Variants in DPP10 observed in about 807,000 individuals in gnomAD.
DPP10 encodes dipeptidyl peptidase like 10, also known as inactive dipeptidyl peptidase 10.
DPP10 carries 33 observed loss-of-function variants against 120.9 expected under a neutral mutation model. The observed-to-expected ratio is 0.27, with a 90% CI of 0.21 to 0.37. The LOEUF (loss-of-function observed/expected upper bound fraction) is 0.37, where lower values mean the gene tolerates loss of function less well. Ranked by LOEUF, DPP10 falls within the 10% of genes least tolerant of loss-of-function variation. The pLI is 1.00. For synonymous variants in DPP10, 337 were observed against 326.1 expected, an observed-to-expected ratio of 1.03 and a Z score of -0.36; for missense variants, 816 against 942.8, an observed-to-expected ratio of 0.87 and a Z score of 1.76.
chr2:114,442,868 C>T (rs2104511881), intron 1 of DPP10, 30 bp downstream of exon 1: 1 of 1,612,196 alleles, frequency 6.2e-7, no homozygotes, highest in East Asian at 2.2e-5. Context: ...TCTGCTTCTG[C>T]ACATGTGTCT....
At position 115,483,479 on chromosome 2, in the gene DPP10, C is replaced by CTATCTATCTATCTGTATG. The variant is rs3980957; in HGVS notation, c.272-16030_272-16029insATCTATCTATCTGTATGT. On this transcript the variant is annotated intron_variant, in intron 3 of 25. Coordinates refer to ENST00000410059, the MANE Select transcript of DPP10 (RefSeq NM_020868.6). ...TCTATCTATCTATCTATCTATCTAT[C>CTATCTATCTATCTGTATG]TGTATGTGTATGTGTGTGCATTTGT... Among the ~76,000 whole-genome samples, 1,164 of 144,118 alleles carry CTATCTATCTATCTGTATG rather than the reference C, an allele frequency of 8.1e-3. 10 individuals are homozygous for CTATCTATCTATCTGTATG. Among genetic ancestry groups the CTATCTATCTATCTGTATG allele is most frequent in the Middle Eastern group, 0.021 (6 of 288 alleles). The allele number at this position is 144,118 out of a possible 152,430, so 94.5% of individuals were successfully genotyped here. A position where few individuals can be genotyped will look rare whatever the true frequency, so the allele number is the denominator to read the frequency against.
At chr2:114,863,613 A>C (rs1689996818) in intron 1 of DPP10, among the ~76,000 whole-genome samples, 1 of 152,174 alleles carries the variant, frequency 6.6e-6, no homozygotes, top group African/African-American at 2.4e-5. Flanking sequence ...TAGAGGCAGA[A>C]GCCACGAAGC....
At chr2:115,475,077 A>G (rs932149346) in intron 3 of DPP10, among the ~76,000 whole-genome samples, 2 of 152,220 alleles carry the variant, frequency 1.3e-5, no homozygotes, top group African/African-American at 4.8e-5. Context: ...AGAAATCTGC[A>G]TAAGTAATGA....
intron 21 of DPP10, among the ~76,000 whole-genome samples, chr2:115,819,377 A>G (rs1173515897): frequency 6.6e-6 from 1 of 152,180 alleles, no homozygotes; most frequent in Non-Finnish European, 1.5e-5. Context: ...TAATCATTTC[A>G]CTTGTGGCAG....
chr2:115,390,359 A>G (rs1253657104), intron 3 of DPP10, among the ~76,000 whole-genome samples: 1 of 152,140 alleles, frequency 6.6e-6, no homozygotes, highest in African/African-American at 2.4e-5. Flanking sequence ...ACCAACTGGT[A>G]TTTTCTGCCA....
intron 1 of DPP10, among the ~76,000 whole-genome samples, chr2:115,282,709 A>G (rs1233982389): frequency 6.6e-6 from 1 of 152,176 alleles, no homozygotes; most frequent in East Asian, 1.9e-4. Flanking sequence ...AATGTCAAAG[A>G]AGAGGCCTGG....
chr2:115,724,617 G>A, intron 7 of DPP10, among the ~76,000 whole-genome samples: 1 of 152,280 alleles, frequency 6.6e-6, no homozygotes, highest in East Asian at 1.9e-4. Context: ...GACTGGCTCT[G>A]CAAATTGAAG....
chr2:114,716,593 TC>T (rs1489879717), intron 1 of DPP10, among the ~76,000 whole-genome samples: 1 of 152,212 alleles, frequency 6.6e-6, no homozygotes, highest in Non-Finnish European at 1.5e-5. Context: ...GGGCAGTCCT[TC>T]TTTGGGTGTT....
At chr2:115,072,836 G>A (rs774801725) in intron 1 of DPP10, among the ~76,000 whole-genome samples, 1 of 152,084 alleles carries the variant, frequency 6.6e-6, no homozygotes, top group African/African-American at 2.4e-5. Context: ...AGGCTGGAGT[G>A]CAGTGGTGTG....
At chr2:114,585,357 C>T (rs1400995609) in intron 1 of DPP10, among the ~76,000 whole-genome samples, 1 of 152,178 alleles carries the variant, frequency 6.6e-6, no homozygotes, top group Non-Finnish European at 1.5e-5. Flanking sequence ...CATTCTTCTA[C>T]TCGCTTTGAT....
At chr2:114,990,229 G>C (rs972184249) in intron 1 of DPP10, among the ~76,000 whole-genome samples, 3 of 151,814 alleles carry the variant, frequency 2.0e-5, no homozygotes, top group Admixed American at 6.6e-5. Flanking sequence ...ATAAACATGT[G>C]GTCATAATTT....
intron 3 of DPP10, among the ~76,000 whole-genome samples, chr2:115,424,050 ACAGT>A (rs1168907859): frequency 2.0e-5 from 3 of 152,140 alleles, no homozygotes; most frequent in Non-Finnish European, 4.4e-5. Context: ...CTATGGAGCC[ACAGT>A]CTCTGTTGGA....
intron 21 of DPP10, among the ~76,000 whole-genome samples, chr2:115,833,897 T>C (rs1333385826): frequency 6.6e-6 from 1 of 152,170 alleles, no homozygotes; most frequent in Non-Finnish European, 1.5e-5. Context: ...GCTATTTACT[T>C]TCTTGCTTTG....
intron 1 of DPP10, among the ~76,000 whole-genome samples, chr2:114,893,582 C>T (rs1364261863): frequency 6.6e-6 from 1 of 152,048 alleles, no homozygotes; most frequent in Non-Finnish European, 1.5e-5. Context: ...AATAGGAAAC[C>T]CAAACAGATT....
At chr2:115,713,010 A>G (rs2092380724) in intron 7 of DPP10, among the ~76,000 whole-genome samples, 1 of 152,132 alleles carries the variant, frequency 6.6e-6, no homozygotes. Context: ...CATGATGCCT[A>G]TTAGAATTTT....
In DPP10 at chr2:115,577,323, C is replaced by A. The variant is rs750849873; in HGVS notation, c.441+51351C>A. Among the ~76,000 whole-genome samples the A allele has an allele frequency of 6.2e-4, 95 of 152,178 alleles. 1 individual carries two copies. Among genetic ancestry groups the A allele is most frequent in the Non-Finnish European group, 1.8e-4 (12 of 68,028 alleles). On this transcript the variant is annotated intron_variant, in intron 5 of 25. Transcript: ENST00000410059. Reference sequence around the variant, plus strand: ...GAGTGTGATCCTCTTAGCAAGAAGGCATGGGTGGAATTTCTGCCTTCCGTG... The same window carrying A: ...GAGTGTGATCCTCTTAGCAAGAAGGAATGGGTGGAATTTCTGCCTTCCGTG...
At chr2:115,701,818 T>A (rs1349690662) in intron 7 of DPP10, among the ~76,000 whole-genome samples, 1 of 151,874 alleles carries the variant, frequency 6.6e-6, no homozygotes, top group Admixed American at 6.6e-5. Flanking sequence ...AACCTAGATA[T>A]CAAAAAATAT....
At chr2:114,955,886 T>C (rs1306878506) in intron 1 of DPP10, among the ~76,000 whole-genome samples, 1 of 152,170 alleles carries the variant, frequency 6.6e-6, no homozygotes, top group Non-Finnish European at 1.5e-5. Context: ...TTTGACAACA[T>C]TTAATATTTT....
intron 1 of DPP10, among the ~76,000 whole-genome samples, chr2:114,568,620 A>G (rs1689394422): frequency 6.6e-6 from 1 of 152,204 alleles, no homozygotes; most frequent in African/African-American, 2.4e-5. Context: ...TTGTAAGACG[A>G]CAATCAGAAT....
Sources: gnomAD v4.1 joint callset for allele counts (sites outside exome capture counted in the v4.1 genomes callset) on GRCh38, gnomAD v4.1.1 for gene constraint, MANE v1.5 for transcripts, NCBI Gene and HGNC (gene_info 2026-07-23, HGNC 2026-07-21) for gene names.